Variants in ABCC6 observed in about 807,000 individuals in gnomAD.
The protein encoded by ABCC6 is ATP binding cassette subfamily C member 6.
In ABCC6, 126 loss-of-function variants were observed where a neutral mutation model predicts 169.5. That is an observed-to-expected ratio of 0.74 (90% confidence interval 0.64 to 0.86). ABCC6 has a LOEUF of 0.86. Ranked by LOEUF, ABCC6 falls within the 40% of genes least tolerant of loss-of-function variation. The probability of loss-of-function intolerance (pLI) is 0.00; values close to 1 mark genes in which losing one functional copy is unlikely to be tolerated. For synonymous variants in ABCC6, 752 were observed against 814.7 expected, an observed-to-expected ratio of 0.92 and a Z score of 1.31; for missense variants, 1,733 against 1,927.2, an observed-to-expected ratio of 0.90 and a Z score of 1.89.
intron 22 of ABCC6, among the ~76,000 whole-genome samples, chr16:16,167,854 G>T (rs1183484742): frequency 6.6e-6 from 1 of 152,162 alleles, no homozygotes; most frequent in Non-Finnish European, 1.5e-5. Flanking sequence ...TTAGGGGAGA[G>T]TAAGACTTGC....
chr16:16,169,262 T>A (rs973753816), intron 22 of ABCC6, among the ~76,000 whole-genome samples: 14 of 152,170 alleles, frequency 9.2e-5, no homozygotes, highest in Admixed American at 8.5e-4. Context: ...GAATCTACAA[T>A]TATTTCAAGA....
At chr16:16,152,675 A>T (rs2152209798) in intron 29 of ABCC6, among the ~76,000 whole-genome samples, 1 of 145,450 alleles carries the variant, frequency 6.9e-6, no homozygotes. Flanking sequence ...TGAGGCACAC[A>T]AGATAAGTTG....
chr16:16,193,003 T>C (rs1208762576), intron 10 of ABCC6, 81 bp from the exon 11 acceptor site: 3 of 1,184,160 alleles, frequency 2.5e-6, no homozygotes, highest in Middle Eastern at 2.4e-4. Flanking sequence ...CAACTCCATC[T>C]TGAATAGGGA....
At chr16:16,200,645 G>A (rs1345222218) in intron 9 of ABCC6, among the ~76,000 whole-genome samples, 20 of 141,644 alleles carry the variant, frequency 1.4e-4, no homozygotes, top group Middle Eastern at 3.5e-3. Flanking sequence ...AGCCTGGGAT[G>A]CAGCACTCTG....
At chr16:16,165,092 G>C (rs11860746) in intron 23 of ABCC6, among the ~76,000 whole-genome samples, 1 of 152,298 alleles carries the variant, frequency 6.6e-6, no homozygotes, top group South Asian at 2.1e-4. Context: ...AAAACATTAC[G>C]CGTGAAAGGC....
At chr16:16,208,893 T>A in intron 6 of ABCC6, 34 bp from the exon 7 acceptor site, 1 of 1,613,440 alleles carries the variant, frequency 6.2e-7, no homozygotes. Flanking sequence ...AAGCTTTTCC[T>A]GCCATTCACC....
chr16:16,192,914 C>A lies in ABCC6; in HGVS notation c.1347G>T (p.Gly449=), dbSNP rs1403825556. The part of the protein sequence containing the change: ...VCFVYLWQLL[G]PSALTAIAVF... Reference sequence around the variant, plus strand: ...CAGCGATGGCAGTGAGGGCGGAGGGCCCCAGGAGCTGGGGATAGAAGGGGC... The same window carrying A: ...CAGCGATGGCAGTGAGGGCGGAGGGACCCAGGAGCTGGGGATAGAAGGGGC... Residue 449 remains glycine, a synonymous_variant, in exon 11 of 31, where the codon GGG becomes GGT. Coordinates refer to ENST00000205557, the MANE Select transcript of ABCC6 (RefSeq NM_001171.6). 1 of 1,613,970 alleles carries A rather than the reference C, an allele frequency of 6.2e-7. No individual in the cohort carries two copies. The highest frequency in any genetic ancestry group is 8.5e-7 in the Non-Finnish European group (1 of 1,179,944).
At chr16:16,169,249 T>C (rs751188888) in intron 22 of ABCC6, among the ~76,000 whole-genome samples, 6 of 152,188 alleles carry the variant, frequency 3.9e-5, no homozygotes, top group Non-Finnish European at 8.8e-5. Context: ...TAGAACTGCA[T>C]GTGAATCTAC....
rs189722023 is a variant in ABCC6 at position 16,203,303 on chromosome 16, G to C, written c.998+107C>G. The stretch of plus-strand genomic sequence containing the variant: ...TCTCACCCACCATCCAGTGTCCCGA[G>C]CACCAGACGTATAGGCAGAGGCAGG... On this transcript the variant is annotated intron_variant, in intron 8 of 30. Coordinates refer to ENST00000205557, the MANE Select transcript of ABCC6 (RefSeq NM_001171.6). The C allele has an allele frequency of 2.6e-6, 4 of 1,544,974 alleles. No homozygotes were observed. The African/African-American group carries it at 5.4e-5, about 21-fold the overall frequency.
At chr16:16,221,497 C>T in intron 2 of ABCC6, 152 bp downstream of exon 2, 1 of 1,481,626 alleles carries the variant, frequency 6.7e-7, no homozygotes, top group Non-Finnish European at 9.0e-7. Flanking sequence ...GAGTTGACCT[C>T]TGTAGCCTTT....
At chr16:16,176,985 CT>C (rs983440976) in intron 19 of ABCC6, among the ~76,000 whole-genome samples, 3 of 152,178 alleles carry the variant, frequency 2.0e-5, no homozygotes, top group Admixed American at 6.5e-5. Context: ...ATCCAGCACA[CT>C]GTTTTTCTGG....
intron 4 of ABCC6, among the ~76,000 whole-genome samples, chr16:16,217,809 G>A (rs575697391): frequency 6.6e-6 from 1 of 151,860 alleles, no homozygotes; most frequent in African/African-American, 2.4e-5. Flanking sequence ...TCTGTCCTCG[G>A]TCAGGCGCTG....
In ABCC6 at chr16:16,175,945, A is replaced by C. The variant is rs1435270669; in HGVS notation, c.2632T>G (p.Ser878Ala). Reference sequence around the variant, plus strand: ...CTAAGCTCGGGCCTCCTGCCTGCAGAGGTGCCTCTGGGGTCCTTGGTGCTG... The same window carrying C: ...CTAAGCTCGGGCCTCCTGCCTGCAGCGGTGCCTCTGGGGTCCTTGGTGCTG... The part of the protein sequence containing the change: ...GTSTKDPRGT[S>A]AGRRPELRRE... The change falls in exon 20 of 31, where the codon TCT (serine) becomes GCT (alanine). Residue 878 changes from serine to alanine, a missense_variant. Coordinates refer to ENST00000205557, the MANE Select transcript of ABCC6 (RefSeq NM_001171.6). 1.9e-6 allele frequency: 3 copies of C among 1,614,132 alleles called. 1 individual carries two copies. In the South Asian group the frequency reaches 3.3e-5, roughly 18 times the overall value.
chr16:16,167,434 A>G (rs1198220435), intron 22 of ABCC6, among the ~76,000 whole-genome samples: 1 of 152,202 alleles, frequency 6.6e-6, no homozygotes, highest in Non-Finnish European at 1.5e-5. Flanking sequence ...CCAAGAGCCA[A>G]TCAATTCTCT....
chr16:16,171,191 T>C (rs1448682799), intron 21 of ABCC6, among the ~76,000 whole-genome samples: 1 of 151,890 alleles, frequency 6.6e-6, no homozygotes. Context: ...ATACCAACCA[T>C]GGTAGGGTTT....
intron 10 of ABCC6, among the ~76,000 whole-genome samples, chr16:16,197,555 G>A (rs1292932619): frequency 6.7e-6 from 1 of 149,590 alleles, no homozygotes; most frequent in Non-Finnish European, 1.5e-5. Context: ...TGGGAGGGAA[G>A]ATGACAGGGA....
At chr16:16,170,029 C>A (rs1422957265) in intron 21 of ABCC6, among the ~76,000 whole-genome samples, 176 bp from the exon 22 acceptor site, 1 of 152,180 alleles carries the variant, frequency 6.6e-6, no homozygotes, top group Non-Finnish European at 1.5e-5. Flanking sequence ...CCCGACAGGC[C>A]CCAGCCAGCC....
chr16:16,193,444 G>A (rs1488403779), intron 10 of ABCC6, among the ~76,000 whole-genome samples: 1 of 152,188 alleles, frequency 6.6e-6, no homozygotes, highest in Non-Finnish European at 1.5e-5. Context: ...CGGGCACGGT[G>A]GATCATGCCT....
intron 7 of ABCC6, among the ~76,000 whole-genome samples, chr16:16,207,842 A>G (rs2048442466): frequency 6.6e-6 from 1 of 151,050 alleles, no homozygotes; most frequent in Non-Finnish European, 1.5e-5. Context: ...AAGTTTCCAG[A>G]GATGCCACTG....
Sources: gnomAD v4.1 joint callset for allele counts (sites outside exome capture counted in the v4.1 genomes callset) on GRCh38, gnomAD v4.1.1 for gene constraint, MANE v1.5 for transcripts, NCBI Gene and HGNC (gene_info 2026-07-23, HGNC 2026-07-21) for gene names.